MAP4K4: variants seen among roughly 807,000 people sequenced by gnomAD.
MAP4K4 encodes the protein HPK/GCK-like kinase HGK.
Under a neutral mutation model 189.6 loss-of-function variants are expected in MAP4K4, and 38 were observed. The observed-to-expected ratio is 0.20, with a 90% CI of 0.15 to 0.26. The LOEUF is 0.26. MAP4K4 is among the 10% of genes least tolerant of loss of function. MAP4K4 has a pLI of 1.00. For missense variants in MAP4K4, 1,054 were observed against 1,726.9 expected (o/e 0.61, Z 6.91); for synonymous variants, 610 against 624.3 (o/e 0.98, Z 0.34).
At chr2:101,862,082 A>T (rs2097677188) in intron 16 of MAP4K4, 1 of 152,032 alleles carries the variant, frequency 6.6e-6, no homozygotes, top group African/African-American at 2.4e-5. Flanking sequence ...TAAAAATATA[A>T]AAATCAGCCG....
intron 12 of MAP4K4, among the ~76,000 whole-genome samples, chr2:101,851,282 TAAAG>T (rs1170118681): frequency 6.6e-6 from 1 of 152,220 alleles, no homozygotes; most frequent in Non-Finnish European, 1.5e-5. Flanking sequence ...ATTTTATTTT[TAAAG>T]AAAGGATAAT....
At chr2:101,744,726 C>T in intron 2 of MAP4K4, among the ~76,000 whole-genome samples, 1 of 152,130 alleles carries the variant, frequency 6.6e-6, no homozygotes, top group East Asian at 1.9e-4. Context: ...GTGCAGAAGG[C>T]ATTTTCTGGC....
chr2:101,816,060 T>C (rs1002304990), intron 3 of MAP4K4, among the ~76,000 whole-genome samples: 5 of 152,186 alleles, frequency 3.3e-5, no homozygotes, highest in African/African-American at 1.2e-4. Context: ...ACTCAGAGAC[T>C]CCTCTGGGCG....
intron 2 of MAP4K4, among the ~76,000 whole-genome samples, chr2:101,712,880 A>C (rs868750816): frequency 4.0e-5 from 6 of 151,320 alleles, no homozygotes; most frequent in Non-Finnish European, 8.8e-5. Context: ...TTGATTAATT[A>C]AAAGTTTCTG....
chr2:101,837,613 G>A (rs2096797137), intron 9 of MAP4K4, among the ~76,000 whole-genome samples: 1 of 152,098 alleles, frequency 6.6e-6, no homozygotes, highest in Admixed American at 6.6e-5. Context: ...AGTGTATATA[G>A]CTGATGTCAC....
chr2:101,745,839 A>G (rs1360653102), intron 2 of MAP4K4, among the ~76,000 whole-genome samples: 3 of 145,948 alleles, frequency 2.1e-5, no homozygotes, highest in Non-Finnish European at 4.5e-5. Flanking sequence ...TTTGTTGCCT[A>G]CTTTTTTTTT....
In MAP4K4 at chr2:101,868,011, A is replaced by T. The variant is rs763489358; in HGVS notation, c.2455-18A>T. On this transcript the variant is annotated intron_variant, in intron 20 of 32. Coordinates refer to ENST00000324219, the Ensembl canonical transcript of MAP4K4. ...AACGATGGCTTCTCGGACTCCACGA[A>T]ACTGCGCTGTACTGAAGGGCGAAGT... 3 of 1,613,306 alleles carry T rather than the reference A, an allele frequency of 1.9e-6. No individual in the cohort carries two copies. The highest frequency in any genetic ancestry group is 2.5e-6 in the Non-Finnish European group (3 of 1,179,700).
intron 3 of MAP4K4, among the ~76,000 whole-genome samples, chr2:101,798,330 G>A (rs1033628383): frequency 3.3e-5 from 5 of 151,980 alleles, no homozygotes; most frequent in Admixed American, 6.5e-5. Context: ...AAATTTTCTT[G>A]AGGACAATAT....
chr2:101,704,671 C>T (rs1431557369), intron 2 of MAP4K4, among the ~76,000 whole-genome samples: 1 of 146,230 alleles, frequency 6.8e-6, no homozygotes, highest in Non-Finnish European at 1.5e-5. Context: ...CTCCCAGGTT[C>T]AAGCGACTCT....
intron 2 of MAP4K4, among the ~76,000 whole-genome samples, chr2:101,713,908 C>T (rs566481741): frequency 7.9e-4 from 120 of 152,026 alleles, no homozygotes; most frequent in African/African-American, 2.9e-3. Flanking sequence ...AAAAAATTTT[C>T]TAATTTCCCA....
chr2:101,812,853 C>T (rs914954765), intron 3 of MAP4K4, among the ~76,000 whole-genome samples: 21 of 152,136 alleles, frequency 1.4e-4, no homozygotes, highest in Non-Finnish European at 2.5e-4. Flanking sequence ...GTTGGCCAGG[C>T]GTGGTGGCTC....
intron 16 of MAP4K4, 58 bp downstream of exon 16, chr2:101,861,044 G>T: frequency 6.8e-7 from 1 of 1,467,472 alleles, no homozygotes; most frequent in African/African-American, 1.4e-5. Flanking sequence ...TCGCTGAGCC[G>T]CAGGCCTGCT....
intron 2 of MAP4K4, among the ~76,000 whole-genome samples, chr2:101,777,026 A>G (rs938582237): frequency 6.6e-6 from 1 of 152,168 alleles, no homozygotes; most frequent in African/African-American, 2.4e-5. Context: ...GGCTTTGCCA[A>G]TATAGGCCTT....
At chr2:101,713,951 A>T (rs2047038650) in intron 2 of MAP4K4, among the ~76,000 whole-genome samples, 1 of 152,130 alleles carries the variant, frequency 6.6e-6, no homozygotes, top group South Asian at 2.1e-4. Flanking sequence ...ACAAATACCT[A>T]GGGGGTTTTT....
chr2:101,890,530 CACTGCAACCTGAA>C (rs1294914589), intron 32 of MAP4K4, among the ~76,000 whole-genome samples: 1 of 152,128 alleles, frequency 6.6e-6, no homozygotes, highest in Non-Finnish European at 1.5e-5. Context: ...GATCTCGGCT[CACTGCAACCTGAA>C]CCTCCTGGGT....
At chr2:101,709,288 C>T (rs1202831074) in intron 2 of MAP4K4, among the ~76,000 whole-genome samples, 3 of 152,166 alleles carry the variant, frequency 2.0e-5, no homozygotes, top group Admixed American at 2.0e-4. Flanking sequence ...CTGCAGCCTC[C>T]ACCTCCTGGG....
At chr2:101,849,821 A>C (rs2097223126) in intron 12 of MAP4K4, among the ~76,000 whole-genome samples, 2 of 152,144 alleles carry the variant, frequency 1.3e-5, no homozygotes. Context: ...ACTTAAGCCC[A>C]GGAGTTTGAG....
At chr2:101,715,771 G>T (rs2048031246) in intron 2 of MAP4K4, among the ~76,000 whole-genome samples, 1 of 152,136 alleles carries the variant, frequency 6.6e-6, no homozygotes, top group African/African-American at 2.4e-5. Context: ...TTTCAGACAA[G>T]TACTGGTCCT....
At chr2:101,860,613 C>G (rs950303612) in intron 15 of MAP4K4, 1 of 482,234 alleles carries the variant, frequency 2.1e-6, no homozygotes, top group Non-Finnish European at 3.7e-6. Flanking sequence ...GACTGCCTTG[C>G]TAATTTTTAT....
Sources: allele counts gnomAD v4.1 joint callset (sites outside exome capture counted in the v4.1 genomes callset), GRCh38; gene constraint gnomAD v4.1.1; transcripts MANE v1.5; gene names NCBI Gene and HGNC (gene_info 2026-07-23, HGNC 2026-07-21).